Variants in SIPA1L3 observed in about 807,000 individuals in gnomAD.
SIPA1L3 encodes the protein signal induced proliferation associated 1 like 3.
Under a neutral mutation model 150.1 loss-of-function variants are expected in SIPA1L3, and 59 were observed. The observed-to-expected ratio is 0.39, with a 90% CI of 0.32 to 0.49. The LOEUF is 0.49. Among genes scored for constraint, SIPA1L3 ranks in the 20% least tolerant of loss-of-function variants. SIPA1L3 has a pLI of 0.86. For synonymous variants in SIPA1L3, 1,070 were observed against 1,077.6 expected, an observed-to-expected ratio of 0.99 and a Z score of 0.14; for missense variants, 2,211 against 2,489.5, an observed-to-expected ratio of 0.89 and a Z score of 2.38.
intron 1 of SIPA1L3, among the ~76,000 whole-genome samples, chr19:38,028,086 C>T (rs1968554971): frequency 6.6e-6 from 1 of 152,110 alleles, no homozygotes; most frequent in South Asian, 2.1e-4. Flanking sequence ...CCAGCCTCTG[C>T]CGGTGCCCAG....
rs1320011269 is a variant in SIPA1L3, at chr19:37,973,561, G to A, written c.-378-55528G>A. On this transcript the variant is annotated intron_variant, in intron 1 of 21. Transcript: ENST00000222345. ...AAAAAAAAAAAAAAAAAAAGCGGGA[G>A]GGGGGCGCATCTTGAAGCACTAAAA... Among the ~76,000 whole-genome samples the A allele has an allele frequency of 1.4e-5, 2 of 144,270 alleles. 1 individual carries two copies. The highest frequency in any genetic ancestry group is 3.0e-5 in the Non-Finnish European group (2 of 66,932). The allele number at this position is 144,270 out of a possible 152,430, so 94.6% of individuals were successfully genotyped here.
chr19:38,026,268 T>C (rs112474467), intron 1 of SIPA1L3, among the ~76,000 whole-genome samples: 1,669 of 152,254 alleles, frequency 0.011, 32 homozygotes, highest in African/African-American at 0.039. Flanking sequence ...ACTAGTAGAT[T>C]CAACCAACTT....
intron 8 of SIPA1L3, among the ~76,000 whole-genome samples, chr19:38,116,773 G>C: frequency 6.6e-6 from 1 of 152,090 alleles, no homozygotes; most frequent in East Asian, 1.9e-4. Flanking sequence ...AGAATTGACT[G>C]AACCCGGGAG....
intron 1 of SIPA1L3, among the ~76,000 whole-genome samples, chr19:37,975,977 C>T (rs922495190): frequency 1.1e-4 from 17 of 152,078 alleles, no homozygotes; most frequent in African/African-American, 2.4e-4. Flanking sequence ...TGGTGGCGGG[C>T]GCCAGTAATC....
intron 1 of SIPA1L3, among the ~76,000 whole-genome samples, chr19:37,916,685 C>T (rs1368853571): frequency 2.0e-5 from 3 of 151,778 alleles, no homozygotes; most frequent in Non-Finnish European, 4.4e-5. Context: ...TGGGGCCGAG[C>T]GCGGTGACTC....
intron 1 of SIPA1L3, among the ~76,000 whole-genome samples, chr19:37,981,908 C>T (rs1031962274): frequency 2.0e-5 from 3 of 152,180 alleles, no homozygotes; most frequent in Non-Finnish European, 1.5e-5. Context: ...TTTTCCTAAT[C>T]GCCTCCCACA....
Position 38,208,182 on chromosome 19 carries a change from T to G in SIPA1L3, c.*1942T>G, listed in dbSNP as rs1169098954. 3.3e-5 allele frequency: 5 copies of G among 152,620 alleles called. No homozygotes were observed. In the East Asian group the frequency reaches 9.6e-4, roughly 29 times the overall value. 9.5% of individuals were successfully genotyped at this position (152,620 alleles called of 1,614,324 possible). On this transcript the variant is annotated 3_prime_UTR_variant, in exon 22 of 22. Coordinates refer to ENST00000222345, the MANE Select transcript of SIPA1L3 (RefSeq NM_015073.3). ...AGGATTTCTGCAAAAACAGATCTATTTAATTTGAGGTTGATGTTCTATCCA... is the reference window on the plus strand; with the variant it reads ...AGGATTTCTGCAAAAACAGATCTATGTAATTTGAGGTTGATGTTCTATCCA...
chr19:38,070,425 C>A (rs1232423105), intron 2 of SIPA1L3, among the ~76,000 whole-genome samples: 1 of 152,152 alleles, frequency 6.6e-6, no homozygotes, highest in East Asian at 1.9e-4. Flanking sequence ...TATTTTATTT[C>A]TCTGGCGTTT....
At chr19:38,041,372 G>A (rs1368710378) in intron 2 of SIPA1L3, among the ~76,000 whole-genome samples, 4 of 138,752 alleles carry the variant, frequency 2.9e-5, no homozygotes, top group Admixed American at 8.0e-5. Flanking sequence ...TCCGCCTCCC[G>A]GGTTCAAGCG....
chr19:38,125,025 G>C (rs1971141142), intron 9 of SIPA1L3, among the ~76,000 whole-genome samples: 1 of 151,500 alleles, frequency 6.6e-6, no homozygotes, highest in African/African-American at 2.4e-5. Context: ...TGGGGAGAGG[G>C]AGAGGGAGAG....
chr19:38,172,485 G>A (rs1344424635), intron 15 of SIPA1L3, among the ~76,000 whole-genome samples: 1 of 152,168 alleles, frequency 6.6e-6, no homozygotes. Flanking sequence ...GATAAGTGCT[G>A]GGGAGGAAAG....
chr19:37,983,305 G>A (rs774274958), intron 1 of SIPA1L3, among the ~76,000 whole-genome samples: 1 of 152,142 alleles, frequency 6.6e-6, no homozygotes, highest in Non-Finnish European at 1.5e-5. Flanking sequence ...CAGTTCTGTC[G>A]CTTACTTGCT....
chr19:38,129,809 G>A (rs1568566001), intron 9 of SIPA1L3, among the ~76,000 whole-genome samples: 1 of 152,120 alleles, frequency 6.6e-6, no homozygotes, highest in Non-Finnish European at 1.5e-5. Flanking sequence ...GCTCTCACCT[G>A]TAATCCTAGC....
At chr19:38,041,929 T>C (rs1026001358) in intron 2 of SIPA1L3, among the ~76,000 whole-genome samples, 2 of 152,200 alleles carry the variant, frequency 1.3e-5, no homozygotes, top group African/African-American at 2.4e-5. Context: ...GTAAGAGTTC[T>C]CCATAAATTT....
At chr19:38,071,413 A>G (rs896157258) in intron 2 of SIPA1L3, among the ~76,000 whole-genome samples, 1 of 151,964 alleles carries the variant, frequency 6.6e-6, no homozygotes, top group African/African-American at 2.4e-5. Flanking sequence ...CAGCCTCCCA[A>G]GTAGCTGGGA....
chr19:38,088,453 T>C (rs1166969777), intron 3 of SIPA1L3, among the ~76,000 whole-genome samples: 5 of 152,362 alleles, frequency 3.3e-5, no homozygotes, highest in Middle Eastern at 6.8e-3. Context: ...CTCTGAATTG[T>C]GGGTGGCATC....
intron 1 of SIPA1L3, among the ~76,000 whole-genome samples, chr19:37,910,975 G>C (rs1057182318): frequency 1.3e-5 from 2 of 151,956 alleles, no homozygotes; most frequent in African/African-American, 4.8e-5. Context: ...GTTGAATTTA[G>C]CTTAAAAAAA....
At chr19:38,202,087 TCACC>T (rs1973099748) in intron 20 of SIPA1L3, 90 bp downstream of exon 20, 1 of 1,350,006 alleles carries the variant, frequency 7.4e-7, no homozygotes, top group African/African-American at 1.5e-5. Context: ...GCCATGTGGG[TCACC>T]CCCACCACTC....
intron 1 of SIPA1L3, among the ~76,000 whole-genome samples, chr19:37,993,595 C>T (rs576694939): frequency 2.0e-5 from 3 of 152,248 alleles, no homozygotes; most frequent in East Asian, 3.9e-4. Flanking sequence ...AAGTGTAAAT[C>T]GCAGATACGT....
Sources: allele counts gnomAD v4.1 joint callset (sites outside exome capture counted in the v4.1 genomes callset), GRCh38; gene constraint gnomAD v4.1.1; transcripts MANE v1.5; gene names NCBI Gene and HGNC (gene_info 2026-07-23, HGNC 2026-07-21).